HERPUD2: variants seen among roughly 807,000 people sequenced by gnomAD.
The protein encoded by HERPUD2 is homocysteine-responsive endoplasmic reticulum-resident ubiquitin-like domain member 2 protein.
HERPUD2 carries 13 observed loss-of-function variants against 49.9 expected under a neutral mutation model. That is an observed-to-expected ratio of 0.26 (90% CI 0.17 to 0.41). The LOEUF (loss-of-function observed/expected upper bound fraction) is 0.41, where lower values mean the gene tolerates loss of function less well. HERPUD2 is among the 10% of genes least tolerant of loss of function. The pLI is 1.00. For missense variants in HERPUD2, 449 were observed against 492.2 expected, an observed-to-expected ratio of 0.91 and a Z score of 0.83; for synonymous variants, 172 against 171.4, an observed-to-expected ratio of 1.00 and a Z score of -0.03.
chr7:35,683,092 AAAG>A (rs1358358998), intron 2 of HERPUD2, among the ~76,000 whole-genome samples: 1 of 152,202 alleles, frequency 6.6e-6, no homozygotes, highest in African/African-American at 2.4e-5. Context: ...ATATGGAACC[AAAG>A]AAGAGCCCAC....
At position 35,682,347 on chromosome 7, in the gene HERPUD2, GTGTGTGTGTGTATATATATATATATA is replaced by G. The variant is rs1562686295; in HGVS notation, c.148-9095_148-9070del. Among the ~76,000 whole-genome samples, 80 of 29,164 alleles carry G rather than the reference GTGTGTGTGTGTATATATATATATATA, an allele frequency of 2.7e-3. 11 individuals are homozygous for G. The highest frequency in any genetic ancestry group is 0.016 in the East Asian group (19 of 1,206). The allele number at this position is 29,164 out of a possible 152,430, so 19.1% of individuals were successfully genotyped here. A position where few individuals can be genotyped will look rare whatever the true frequency, so the allele number is the denominator to read the frequency against. On this transcript the variant is annotated intron_variant, in intron 2 of 8. Transcript: ENST00000311350. ...CACACGTGTGTGTGTGTGTGTGTGT[GTGTGTGTGTGTATATATATATATATA>G]TATATATATATATACTTAATCGGCA...
chr7:35,659,823 T>G (rs1455799039), intron 5 of HERPUD2, among the ~76,000 whole-genome samples: 3 of 152,192 alleles, frequency 2.0e-5, no homozygotes, highest in Non-Finnish European at 2.9e-5. Flanking sequence ...GGCAAAATAT[T>G]TGAGATTTTT....
intron 5 of HERPUD2, among the ~76,000 whole-genome samples, chr7:35,655,308 G>A (rs944613569): frequency 1.3e-5 from 2 of 152,100 alleles, no homozygotes; most frequent in African/African-American, 2.4e-5. Flanking sequence ...GATGAACACA[G>A]ACACAAAAAT....
chr7:35,651,524 C>T (rs553291261), intron 5 of HERPUD2, among the ~76,000 whole-genome samples: 2 of 152,272 alleles, frequency 1.3e-5, no homozygotes, highest in East Asian at 3.9e-4. Flanking sequence ...GGTATACATA[C>T]AGAATCAAAG....
chr7:35,674,404 T>TATATATAG (rs1785711309), intron 2 of HERPUD2, among the ~76,000 whole-genome samples: 9 of 38,128 alleles, frequency 2.4e-4, no homozygotes, highest in Admixed American at 7.3e-4. Flanking sequence ...TATATATATA[T>TATATATAG]AGAGAGAGAG....
At chr7:35,692,110 T>C (rs887259544) in intron 2 of HERPUD2, among the ~76,000 whole-genome samples, 5 of 152,234 alleles carry the variant, frequency 3.3e-5, no homozygotes, top group African/African-American at 1.2e-4. Context: ...CCTCCAAAAG[T>C]GTCTCCAGTG....
chr7:35,682,295 G>GTA (rs1785917043), intron 2 of HERPUD2, among the ~76,000 whole-genome samples: 1 of 46,364 alleles, frequency 2.2e-5, no homozygotes. Flanking sequence ...ACACGTGTGT[G>GTA]TGTGTATATA....
At position 35,645,190 on chromosome 7, in the gene HERPUD2, T is replaced by C. The variant is rs1483470799; in HGVS notation, c.495-6718A>G. 2.6e-5 allele frequency among the ~76,000 whole-genome samples: 4 copies of C among 152,140 alleles called. No homozygotes were observed. The East Asian group carries it at 7.7e-4, about 29-fold the overall frequency. ...AAAAGTACAATAAAGTCTTTAAAAA[T>C]AAAAAAGCAGTATATAAAAATACTG... On this transcript the variant is annotated intron_variant, in intron 5 of 8. Coordinates refer to ENST00000311350, the MANE Select transcript of HERPUD2 (RefSeq NM_022373.5).
intron 2 of HERPUD2, among the ~76,000 whole-genome samples, chr7:35,674,499 T>C (rs1234280607): frequency 6.7e-6 from 1 of 149,040 alleles, no homozygotes; most frequent in Non-Finnish European, 1.5e-5. Flanking sequence ...ATAAAATGTA[T>C]TTGGTTTTCA....
At chr7:35,676,773 C>T (rs1303178877) in intron 2 of HERPUD2, among the ~76,000 whole-genome samples, 1 of 152,182 alleles carries the variant, frequency 6.6e-6, no homozygotes, top group Non-Finnish European at 1.5e-5. Flanking sequence ...ATCTTTCTTG[C>T]TAATGACACT....
chr7:35,675,286 C>G (rs188265945), intron 2 of HERPUD2, among the ~76,000 whole-genome samples: 7 of 152,286 alleles, frequency 4.6e-5, no homozygotes, highest in Admixed American at 4.6e-4. Flanking sequence ...GTTGTGAGAG[C>G]ATAGTAGGAG....
intron 5 of HERPUD2, among the ~76,000 whole-genome samples, chr7:35,656,484 CA>C (rs1366942987): frequency 3.3e-5 from 5 of 151,666 alleles, no homozygotes; most frequent in Non-Finnish European, 7.4e-5. Flanking sequence ...TCATATAGAA[CA>C]AAAAAAGAGC....
chr7:35,667,299 C>T, intron 5 of HERPUD2, 135 bp downstream of exon 5: 1 of 833,950 alleles, frequency 1.2e-6, no homozygotes, highest in Non-Finnish European at 1.8e-6. Context: ...CTCTAGTTCT[C>T]AAAATACAAA....
intron 2 of HERPUD2, among the ~76,000 whole-genome samples, chr7:35,677,983 A>G (rs1030769330): frequency 1.3e-5 from 2 of 152,194 alleles, no homozygotes; most frequent in Non-Finnish European, 1.5e-5. Flanking sequence ...CTTAATTTTC[A>G]TAACAACGGA....
Position 35,635,358 on chromosome 7 carries a change from G to A in HERPUD2, c.718C>T (p.Pro240Ser). The part of the protein sequence containing the change: ...NLAHVPGEEP[P>S]PAPNLVAQEN... The stretch of plus-strand genomic sequence containing the variant: ...TGGGCCACTAGGTTTGGAGCTGGTG[G>A]GGGTTCTTCTCCAGGAACATGTGCC... The change falls in exon 7 of 9, where the codon CCA (proline) becomes TCA (serine). Residue 240 changes from proline (P) to serine (S), a missense_variant. By Grantham distance (74) the Pro-to-Ser change is moderately conservative. Coordinates refer to ENST00000311350, the MANE Select transcript of HERPUD2 (RefSeq NM_022373.5). The A allele has an allele frequency of 7.4e-6, 12 of 1,614,038 alleles. No homozygotes were observed. The highest frequency in any genetic ancestry group is 1.0e-5 in the Non-Finnish European group (12 of 1,179,990).
At chr7:35,665,998 A>G (rs560691591) in intron 5 of HERPUD2, among the ~76,000 whole-genome samples, 2 of 152,330 alleles carry the variant, frequency 1.3e-5, no homozygotes, top group East Asian at 1.9e-4. Context: ...ATATTTTTCC[A>G]GGCTTATTTA....
At chr7:35,637,153 A>AGAAC (rs1235355743) in intron 6 of HERPUD2, among the ~76,000 whole-genome samples, 2 of 146,282 alleles carry the variant, frequency 1.4e-5, no homozygotes, top group Non-Finnish European at 3.0e-5. Context: ...AAAGAAAGAA[A>AGAAC]GAAAGAAAGA....
intron 3 of HERPUD2, among the ~76,000 whole-genome samples, chr7:35,672,784 G>T (rs886504788): frequency 4.6e-5 from 7 of 152,030 alleles, no homozygotes; most frequent in African/African-American, 1.7e-4. Context: ...TGATGGACCA[G>T]TTAATTTCCT....
intron 2 of HERPUD2, among the ~76,000 whole-genome samples, chr7:35,692,044 G>A (rs1434464019): frequency 1.3e-5 from 2 of 152,070 alleles, no homozygotes; most frequent in South Asian, 2.1e-4. Context: ...CTTGTCAAAG[G>A]AGAAAAAAAG....
Sources: allele counts gnomAD v4.1 joint callset (sites outside exome capture counted in the v4.1 genomes callset), GRCh38; gene constraint gnomAD v4.1.1; transcripts MANE v1.5; gene names NCBI Gene and HGNC (gene_info 2026-07-23, HGNC 2026-07-21).